Variants in FOXP1 observed in about 807,000 individuals in gnomAD.
FOXP1 encodes forkhead box P1, also known as forkhead box protein P1.
In FOXP1, 15 loss-of-function variants were observed where a neutral mutation model predicts 98.2. The observed-to-expected ratio is 0.15, with a 90% CI of 0.10 to 0.24. FOXP1 has a LOEUF of 0.24. Among genes scored for constraint, FOXP1 ranks in the 10% least tolerant of loss-of-function variants. The pLI is 1.00. For missense variants in FOXP1, 633 were observed against 848.5 expected (o/e 0.75, Z 3.15); for synonymous variants, 371 against 314.5 (o/e 1.18, Z -1.90).
chr3:71,328,972 G>T (rs1490835874), intron 4 of FOXP1, among the ~76,000 whole-genome samples: 1 of 46,314 alleles, frequency 2.2e-5, no homozygotes, highest in South Asian at 1.6e-3. Flanking sequence ...ACTCCATCTC[G>T]CTAAAAAAAA....
At chr3:71,094,389 C>T (rs992993283) in intron 7 of FOXP1, among the ~76,000 whole-genome samples, 1 of 151,184 alleles carries the variant, frequency 6.6e-6, no homozygotes, top group Non-Finnish European at 1.5e-5. Context: ...ACACCATTCT[C>T]CTGCCTCAGC....
At chr3:71,232,245 A>G (rs1427312709) in intron 5 of FOXP1, among the ~76,000 whole-genome samples, 2 of 152,210 alleles carry the variant, frequency 1.3e-5, no homozygotes, top group African/African-American at 2.4e-5. Context: ...ACAATTAGAG[A>G]AGGGAGGGGA....
At chr3:71,582,600 C>G in intron 1 of FOXP1, 1 of 985,464 alleles carries the variant, frequency 1.0e-6, no homozygotes, top group African/African-American at 1.7e-5. Context: ...CCCCGTCCCC[C>G]AAGCTTCAGA....
At chr3:71,414,946 C>T (rs762343139) in intron 3 of FOXP1, among the ~76,000 whole-genome samples, 9 of 152,214 alleles carry the variant, frequency 5.9e-5, no homozygotes, top group Non-Finnish European at 8.8e-5. Flanking sequence ...ATTCAAAATA[C>T]TGCATTTTCC....
At chr3:70,980,282 G>C (rs140075156) in intron 14 of FOXP1, among the ~76,000 whole-genome samples, 1 of 152,090 alleles carries the variant, frequency 6.6e-6, no homozygotes, top group East Asian at 1.9e-4. Context: ...CCAAGCAAAG[G>C]GTCAAGGAAA....
chr3:71,192,681 G>A (rs559953900), intron 6 of FOXP1, among the ~76,000 whole-genome samples: 1 of 152,304 alleles, frequency 6.6e-6, no homozygotes, highest in East Asian at 1.9e-4. Flanking sequence ...GTCTCAATCT[G>A]TCACCCAGCC....
intron 6 of FOXP1, among the ~76,000 whole-genome samples, chr3:71,119,273 C>G (rs1242618288): frequency 2.0e-5 from 3 of 152,122 alleles, no homozygotes. Context: ...CCTGAGCACC[C>G]ACAGAATGAA....
At chr3:71,043,276 T>G (rs796524223) in intron 10 of FOXP1, among the ~76,000 whole-genome samples, 2 of 152,294 alleles carry the variant, frequency 1.3e-5, no homozygotes, top group African/African-American at 4.8e-5. Flanking sequence ...CCAATTATAT[T>G]TTGATGGATT....
intron 4 of FOXP1, among the ~76,000 whole-genome samples, chr3:71,301,372 G>A (rs967036988): frequency 1.3e-5 from 2 of 152,098 alleles, no homozygotes; most frequent in Non-Finnish European, 2.9e-5. Flanking sequence ...GGTCCTCAAG[G>A]TAGAGCTAAG....
intron 6 of FOXP1, among the ~76,000 whole-genome samples, chr3:71,162,979 A>C (rs2061216628): frequency 6.6e-6 from 1 of 152,224 alleles, no homozygotes; most frequent in African/African-American, 2.4e-5. Flanking sequence ...GTATCAATGC[A>C]ACAGAAAGAA....
chr3:71,137,484 G>A (rs1292644676), intron 6 of FOXP1, among the ~76,000 whole-genome samples: 1 of 152,138 alleles, frequency 6.6e-6, no homozygotes, highest in Non-Finnish European at 1.5e-5. Context: ...ATATTTTGGG[G>A]AACATTAGAT....
At chr3:71,349,620 G>C (rs1577083596) in intron 4 of FOXP1, among the ~76,000 whole-genome samples, 1 of 147,646 alleles carries the variant, frequency 6.8e-6, no homozygotes, top group East Asian at 2.1e-4. Context: ...TAATTTTTAA[G>C]GTGTAAGTAA....
chr3:71,400,748 A>AT (rs759042916), intron 3 of FOXP1, among the ~76,000 whole-genome samples: 9 of 152,052 alleles, frequency 5.9e-5, no homozygotes, highest in South Asian at 2.1e-4. Context: ...AAGAAGCTGA[A>AT]TTTTTTCCCC....
At chr3:71,509,407 TTCC>T (rs1312676680) in intron 2 of FOXP1, among the ~76,000 whole-genome samples, 1 of 152,232 alleles carries the variant, frequency 6.6e-6, no homozygotes, top group Non-Finnish European at 1.5e-5. Context: ...GAATCTCCTC[TTCC>T]TATTAGGATA....
intron 3 of FOXP1, among the ~76,000 whole-genome samples, chr3:71,396,572 A>G (rs2081386563): frequency 6.6e-6 from 1 of 152,044 alleles, no homozygotes; most frequent in East Asian, 1.9e-4. Flanking sequence ...CTCCTAAAGG[A>G]GCCATGGTCA....
intron 5 of FOXP1, among the ~76,000 whole-genome samples, chr3:71,272,695 C>A (rs1001371806): frequency 3.9e-5 from 6 of 152,162 alleles, no homozygotes; most frequent in Non-Finnish European, 8.8e-5. Flanking sequence ...TCAAGCGTTA[C>A]ACCAAAGAAA....
chr3:71,058,529 A>G (rs1427177626), intron 7 of FOXP1, among the ~76,000 whole-genome samples: 2 of 152,086 alleles, frequency 1.3e-5, no homozygotes, highest in Non-Finnish European at 2.9e-5. Context: ...GGAGCAAAAC[A>G]AATTAAATTA....
At chr3:71,340,853 TTAATTCTTA>T (rs745648802) in intron 4 of FOXP1, among the ~76,000 whole-genome samples, 137 of 152,328 alleles carry the variant, frequency 9.0e-4, no homozygotes, top group Non-Finnish European at 1.6e-3. Flanking sequence ...AGAGAGTGTT[TTAATTCTTA>T]AACACTAAAG....
intron 12 of FOXP1, among the ~76,000 whole-genome samples, chr3:71,005,292 G>A (rs1231594282): frequency 1.1e-5 from 1 of 91,038 alleles, no homozygotes; most frequent in African/African-American, 4.0e-5. Flanking sequence ...AATCAGAGGT[G>A]GAGAGAAACA....
Sources: gnomAD v4.1 joint callset for allele counts (sites outside exome capture counted in the v4.1 genomes callset) on GRCh38, gnomAD v4.1.1 for gene constraint, MANE v1.5 for transcripts, NCBI Gene and HGNC (gene_info 2026-07-23, HGNC 2026-07-21) for gene names.